The following PCDH9 variants were observed in gnomAD, a reference collection of about 807,000 sequenced individuals.
PCDH9 encodes protocadherin 9.
PCDH9 carries 24 observed loss-of-function variants against 70.6 expected under a neutral mutation model. The ratio of observed to expected loss-of-function variants is 0.34; its 90% CI spans 0.25 to 0.48. The LOEUF is 0.48. Ranked by LOEUF, PCDH9 falls within the 20% of genes least tolerant of loss-of-function variation. The pLI is 0.99. For synonymous variants in PCDH9, 562 were observed against 558.5 expected, an observed-to-expected ratio of 1.01 and a Z score of -0.09; for missense variants, 1,281 against 1,503.6, an observed-to-expected ratio of 0.85 and a Z score of 2.45.
chr13:66,777,576 G>A (rs376258270), intron 3 of PCDH9, among the ~76,000 whole-genome samples: 15 of 152,026 alleles, frequency 9.9e-5, no homozygotes, highest in African/African-American at 3.1e-4. Context: ...CAAAACCACA[G>A]TGAGATACCA....
At chr13:67,214,935 G>GATATAGATATATATATATATATAT (rs2089556792) in intron 2 of PCDH9, 1 of 89,248 alleles carries the variant, frequency 1.1e-5, no homozygotes, top group African/African-American at 4.5e-5. Context: ...TTGCGAGCCA[G>GATATAGATATATATATATATATAT]ATATATATAT....
intron 2 of PCDH9, among the ~76,000 whole-genome samples, chr13:67,138,895 C>T (rs560112133): frequency 1.7e-4 from 26 of 152,084 alleles, no homozygotes; most frequent in African/African-American, 3.4e-4. Flanking sequence ...CAAAATTATC[C>T]GAGGAAACAA....
intron 4 of PCDH9, among the ~76,000 whole-genome samples, chr13:66,477,563 T>C (rs899366636): frequency 2.0e-5 from 3 of 152,188 alleles, no homozygotes; most frequent in African/African-American, 7.2e-5. Context: ...TTAGGCAAAT[T>C]GCTTTGCCTC....
At chr13:66,553,372 C>A (rs1179049014) in intron 4 of PCDH9, among the ~76,000 whole-genome samples, 4 of 152,116 alleles carry the variant, frequency 2.6e-5, no homozygotes, top group Non-Finnish European at 1.5e-5. Flanking sequence ...ATATATTAAA[C>A]TGTTGGATAA....
intron 4 of PCDH9, among the ~76,000 whole-genome samples, chr13:66,380,818 C>G (rs1326859344): frequency 4.6e-5 from 7 of 152,182 alleles, no homozygotes; most frequent in Admixed American, 4.6e-4. Context: ...GCTGGGATTA[C>G]AGGCGTGAGC....
chr13:66,842,801 T>C (rs1450678691), intron 3 of PCDH9, among the ~76,000 whole-genome samples: 1 of 152,134 alleles, frequency 6.6e-6, no homozygotes, highest in Non-Finnish European at 1.5e-5. Context: ...GGGAAAGTAA[T>C]GAATTGGATG....
At chr13:67,001,416 C>T (rs1450776678) in intron 2 of PCDH9, among the ~76,000 whole-genome samples, 1 of 151,420 alleles carries the variant, frequency 6.6e-6, no homozygotes, top group Admixed American at 6.6e-5. Flanking sequence ...GCAGGGAATC[C>T]CAAGTTTTAG....
At chr13:66,429,060 A>G (rs1957722027) in intron 4 of PCDH9, among the ~76,000 whole-genome samples, 1 of 151,842 alleles carries the variant, frequency 6.6e-6, no homozygotes, top group African/African-American at 2.4e-5. Flanking sequence ...GTTCTAGCAC[A>G]TGCAGTTTTA....
chr13:66,790,233 C>A (rs190948168), intron 3 of PCDH9, among the ~76,000 whole-genome samples: 1 of 151,944 alleles, frequency 6.6e-6, no homozygotes, highest in Admixed American at 6.6e-5. Flanking sequence ...TAGTTGTAAA[C>A]CTTTATGCTT....
chr13:67,105,567 G>GA (rs34378824), intron 2 of PCDH9, among the ~76,000 whole-genome samples: 2 of 151,892 alleles, frequency 1.3e-5, no homozygotes, highest in Non-Finnish European at 2.9e-5. Context: ...ACTCAATTTA[G>GA]AAAAAAGACA....
chr13:66,779,067 T>A (rs1325708172), intron 3 of PCDH9, among the ~76,000 whole-genome samples: 4 of 152,206 alleles, frequency 2.6e-5, no homozygotes, highest in African/African-American at 9.6e-5. Context: ...TCTATCAATA[T>A]TTCATATTTT....
At chr13:66,306,143 T>A (rs559315387) in intron 4 of PCDH9, 5 of 151,546 alleles carry the variant, frequency 3.3e-5, no homozygotes, top group Non-Finnish European at 7.4e-5. Context: ...CAGAGAGTCA[T>A]CAGAAAAAAA....
chr13:66,526,489 C>T (rs1391860392), intron 4 of PCDH9, among the ~76,000 whole-genome samples: 1 of 146,966 alleles, frequency 6.8e-6, no homozygotes, highest in Non-Finnish European at 1.5e-5. Context: ...TTTATGTTTA[C>T]TTATACAATG....
Position 66,562,011 on chromosome 13 carries a change from C to A in PCDH9, c.3340+69199G>T, listed in dbSNP as rs140720378. Among the ~76,000 whole-genome samples, 329 of 152,126 alleles carry A rather than the reference C, an allele frequency of 2.2e-3. 3 individuals are homozygous for A. The highest frequency in any genetic ancestry group is 7.5e-3 in the African/African-American group (313 of 41,500). On this transcript the variant is annotated intron_variant, in intron 4 of 4. Coordinates refer to ENST00000377865, the MANE Select transcript of PCDH9 (RefSeq NM_203487.3). ...CAGCTCCACTCCTGAGCCAGCGAGA[C>A]CACAAACCCACCAGAAGGAAGAAAC...
At chr13:66,654,819 C>T (rs2077905481) in intron 3 of PCDH9, among the ~76,000 whole-genome samples, 1 of 152,096 alleles carries the variant, frequency 6.6e-6, no homozygotes, top group Admixed American at 6.6e-5. Flanking sequence ...AGCAATCCTC[C>T]CACCTTAGCT....
intron 2 of PCDH9, among the ~76,000 whole-genome samples, chr13:67,175,035 C>CTGAGATGG (rs935748671): frequency 5.9e-5 from 9 of 151,426 alleles, no homozygotes; most frequent in African/African-American, 2.2e-4. Flanking sequence ...ACTTGGGAGG[C>CTGAGATGG]TGAGATGGGA....
intron 3 of PCDH9, among the ~76,000 whole-genome samples, chr13:66,875,926 A>T (rs550841425): frequency 3.3e-5 from 5 of 152,218 alleles, no homozygotes; most frequent in African/African-American, 9.6e-5. Flanking sequence ...CTGAAGTCCT[A>T]CCCTTCTCTT....
At chr13:66,821,341 T>C (rs532503421) in intron 3 of PCDH9, among the ~76,000 whole-genome samples, 19 of 152,200 alleles carry the variant, frequency 1.2e-4, no homozygotes, top group East Asian at 3.9e-4. Context: ...AAGAGGAAAA[T>C]TGAATCATGG....
At chr13:66,711,392 CA>C (rs5804291) in intron 3 of PCDH9, among the ~76,000 whole-genome samples, 48,576 of 128,524 alleles carry the variant, frequency 0.38, 8,152 homozygotes, top group South Asian at 0.46. Context: ...AAGAAAATTG[CA>C]AAAAAAAAAA....
Sources: allele counts gnomAD v4.1 joint callset (sites outside exome capture counted in the v4.1 genomes callset), GRCh38; gene constraint gnomAD v4.1.1; transcripts MANE v1.5; gene names NCBI Gene and HGNC (gene_info 2026-07-23, HGNC 2026-07-21).